PIK3R6: variants seen among roughly 807,000 people sequenced by gnomAD.
PIK3R6 encodes the protein phosphoinositide 3-kinase regulatory subunit 6.
Under a neutral mutation model 84.9 loss-of-function variants are expected in PIK3R6, and 91 were observed. The observed-to-expected ratio is 1.07, with a 90% confidence interval of 0.90 to 1.28. PIK3R6 has a LOEUF of 1.28. Among genes scored for constraint, PIK3R6 ranks in the 50% most tolerant of loss-of-function variants. PIK3R6 has a pLI of 0.00. For synonymous variants in PIK3R6, 416 were observed against 411.4 expected, an observed-to-expected ratio of 1.01 and a Z score of -0.13; for missense variants, 996 against 985.1, an observed-to-expected ratio of 1.01 and a Z score of -0.15.
intron 13 of PIK3R6, among the ~76,000 whole-genome samples, chr17:8,824,678 C>T (rs1313287093): frequency 1.3e-5 from 2 of 152,114 alleles, no homozygotes; most frequent in East Asian, 1.9e-4. Flanking sequence ...AGTGTCCCAG[C>T]GGAGAAAAAT....
chr17:8,829,125 GCA>G, intron 10 of PIK3R6, 135 bp from the exon 11 acceptor site: 3 of 837,944 alleles, frequency 3.6e-6, no homozygotes, highest in Non-Finnish European at 5.3e-6. Context: ...ATATGAACAT[GCA>G]CAGAGACTCA....
chr17:8,819,687 TATAC>T (rs1476621804), intron 17 of PIK3R6, among the ~76,000 whole-genome samples: 2 of 140,858 alleles, frequency 1.4e-5, no homozygotes, highest in African/African-American at 2.7e-5. Flanking sequence ...TATATATATA[TATAC>T]ACACACACAC....
intron 18 of PIK3R6, among the ~76,000 whole-genome samples, chr17:8,806,731 C>G (rs1425976986): frequency 6.6e-6 from 1 of 152,198 alleles, no homozygotes; most frequent in African/African-American, 2.4e-5. Context: ...TTATTTCCCA[C>G]TTCTGTTCTA....
At chr17:8,806,558 TA>T (rs2087213669) in intron 18 of PIK3R6, among the ~76,000 whole-genome samples, 1 of 152,150 alleles carries the variant, frequency 6.6e-6, no homozygotes, top group Non-Finnish European at 1.5e-5. Flanking sequence ...TTTTAGTCTA[TA>T]AATGAAGCCA....
chr17:8,823,199 T>C, intron 14 of PIK3R6, 113 bp from the exon 15 acceptor site: 1 of 899,412 alleles, frequency 1.1e-6, no homozygotes, highest in Non-Finnish European at 1.8e-6. Flanking sequence ...GAAGACCTAC[T>C]TCTTGGATTT....
chr17:8,863,161 A>G (rs1031366228), intron 1 of PIK3R6, among the ~76,000 whole-genome samples: 1 of 152,162 alleles, frequency 6.6e-6, no homozygotes, highest in African/African-American at 2.4e-5. Context: ...AGGGGTGTGC[A>G]GTGTCTAGAT....
At chr17:8,809,512 G>A (rs562415234) in intron 18 of PIK3R6, among the ~76,000 whole-genome samples, 1 of 152,196 alleles carries the variant, frequency 6.6e-6, no homozygotes, top group Admixed American at 6.5e-5. Flanking sequence ...GGGCACAGTG[G>A]CTCATGCCTG....
intron 1 of PIK3R6, among the ~76,000 whole-genome samples, chr17:8,858,000 C>T (rs746518125): frequency 1.3e-5 from 2 of 152,120 alleles, no homozygotes; most frequent in Admixed American, 6.5e-5. Context: ...CATTCACTCA[C>T]GCATTCACTC....
intron 18 of PIK3R6, among the ~76,000 whole-genome samples, chr17:8,806,403 T>G (rs2087208356): frequency 6.6e-6 from 1 of 152,176 alleles, no homozygotes; most frequent in Non-Finnish European, 1.5e-5. Flanking sequence ...TAGCCCCACC[T>G]TCTAGGTAAT....
chr17:8,845,004 C>T (rs551947859), intron 2 of PIK3R6, among the ~76,000 whole-genome samples: 3 of 152,266 alleles, frequency 2.0e-5, no homozygotes, highest in South Asian at 2.1e-4. Context: ...GATATGATTT[C>T]GTTCTTTTTT....
chr17:8,820,124 T>G (rs1250102017), intron 17 of PIK3R6, among the ~76,000 whole-genome samples: 1 of 150,362 alleles, frequency 6.7e-6, no homozygotes, highest in East Asian at 1.9e-4. Flanking sequence ...TTTTTTTTTT[T>G]TGTATTTTTA....
chr17:8,818,703 G>T (rs543769863), intron 18 of PIK3R6, among the ~76,000 whole-genome samples: 17 of 152,172 alleles, frequency 1.1e-4, no homozygotes, highest in Non-Finnish European at 2.2e-4. Flanking sequence ...AGGGTAAGGG[G>T]ATTGAGAGAG....
chr17:8,825,118 G>A (rs7207871), intron 13 of PIK3R6, among the ~76,000 whole-genome samples: 4,656 of 152,200 alleles, frequency 0.031, 241 homozygotes, highest in African/African-American at 0.1. Flanking sequence ...TCACACACGA[G>A]TAATAAATTT....
intron 18 of PIK3R6, among the ~76,000 whole-genome samples, chr17:8,816,315 G>C (rs1012637371): frequency 1.3e-5 from 2 of 152,124 alleles, no homozygotes; most frequent in African/African-American, 2.4e-5. Flanking sequence ...TCTCTAATTA[G>C]GGAGTATTTT....
intron 1 of PIK3R6, among the ~76,000 whole-genome samples, chr17:8,851,368 C>T (rs2088960691): frequency 6.6e-6 from 1 of 151,564 alleles, no homozygotes; most frequent in Non-Finnish European, 1.5e-5. Flanking sequence ...TGGTGGTGGG[C>T]GCCTGTAGTC....
intron 1 of PIK3R6, among the ~76,000 whole-genome samples, chr17:8,860,293 G>GC (rs1555541060): frequency 6.6e-6 from 1 of 152,010 alleles, no homozygotes; most frequent in East Asian, 1.9e-4. Flanking sequence ...CTGGGGCGGG[G>GC]GGCGGTGTGG....
rs143974841 is a variant in PIK3R6, at chr17:8,855,308, C to T, written c.-91-5423G>A. On this transcript the variant is annotated intron_variant, in intron 1 of 19. Coordinates refer to ENST00000619866, the MANE Select transcript of PIK3R6 (RefSeq NM_001010855.4). ...TAGAGAAAATATTTGCAAATCACAT[C>T]TGACAAAGAAAAAAAAAAGAAAACT... is the stretch of plus-strand genomic sequence containing the variant. Among the ~76,000 whole-genome samples, 122 of 151,094 alleles carry T rather than the reference C, an allele frequency of 8.1e-4. 1 individual carries two copies. Among genetic ancestry groups the T allele is most frequent in the African/African-American group, 2.7e-3 (112 of 41,232 alleles).
chr17:8,843,446 C>G (rs1443180366), intron 2 of PIK3R6, among the ~76,000 whole-genome samples: 1 of 152,138 alleles, frequency 6.6e-6, no homozygotes, highest in Admixed American at 6.5e-5. Flanking sequence ...GTCTTCTGAG[C>G]TTGGGTCCCC....
At chr17:8,852,479 C>A (rs1367733506) in intron 1 of PIK3R6, among the ~76,000 whole-genome samples, 1 of 152,050 alleles carries the variant, frequency 6.6e-6, no homozygotes, top group Non-Finnish European at 1.5e-5. Context: ...GTGGCTCACA[C>A]CTGTAATCCC....
Sources: allele counts gnomAD v4.1 joint callset (sites outside exome capture counted in the v4.1 genomes callset), GRCh38; gene constraint gnomAD v4.1.1; transcripts MANE v1.5; gene names NCBI Gene and HGNC (gene_info 2026-07-23, HGNC 2026-07-21).